INVS: variants seen among roughly 807,000 people sequenced by gnomAD.
The protein encoded by INVS is inversion of embryo turning homolog.
INVS carries 86 observed loss-of-function variants against 108.8 expected under a neutral mutation model. That is an observed-to-expected ratio of 0.79 (90% confidence interval 0.66 to 0.95). The LOEUF (loss-of-function observed/expected upper bound fraction) is 0.95, where lower values mean the gene tolerates loss of function less well. Ranked by LOEUF, INVS falls within the 40% of genes least tolerant of loss-of-function variation. The pLI, the probability that INVS is intolerant of heterozygous loss-of-function variation, is 0.00. For missense variants in INVS, 1,169 were observed against 1,297.4 expected (o/e 0.90, Z 1.52); for synonymous variants, 455 against 473.5 (o/e 0.96, Z 0.51).
intron 5 of INVS, among the ~76,000 whole-genome samples, chr9:100,233,786 G>A (rs1180907933): frequency 6.6e-6 from 1 of 152,106 alleles, no homozygotes; most frequent in Non-Finnish European, 1.5e-5. Flanking sequence ...ATTTTATTGA[G>A]GATTTTCGCA....
intron 10 of INVS, among the ~76,000 whole-genome samples, chr9:100,259,765 G>T (rs951951379): frequency 6.6e-6 from 1 of 151,976 alleles, no homozygotes; most frequent in African/African-American, 2.4e-5. Flanking sequence ...GGCCAGGCTG[G>T]TCTCGAACTC....
At chr9:100,167,975 C>A (rs12377835) in intron 3 of INVS, among the ~76,000 whole-genome samples, 28,939 of 151,950 alleles carry the variant, frequency 0.19, 4,474 homozygotes, top group African/African-American at 0.43. Flanking sequence ...CCTCCCCACC[C>A]CAGCGACTCC....
rs375774619 is a variant in INVS, at chr9:100,297,947, G to C, written c.3028G>C (p.Glu1010Gln). Residue 1010 changes from glutamate to glutamine, a missense_variant, in exon 16 of 17, where the codon GAA (glutamate) becomes CAA (glutamine). Physicochemically the swap from Glu to Gln is conservative, Grantham distance 29. Transcript: ENST00000262457. ...TTGGTTCATTTCAGGTTGTTCTCAC[G>C]AAGGGAAAATACATCATCCTACAAG... ...VLKQIYGCSH[E>Q]GKIHHPTRSV... 5 of 1,614,142 alleles carry C rather than the reference G, an allele frequency of 3.1e-6. No homozygotes were observed. Among genetic ancestry groups the C allele is most frequent in the Non-Finnish European group, 8.5e-7 (1 of 1,180,004 alleles).
chr9:100,109,722 A>G (rs1166942388), intron 2 of INVS, among the ~76,000 whole-genome samples: 1 of 152,108 alleles, frequency 6.6e-6, no homozygotes, highest in Non-Finnish European at 1.5e-5. Context: ...CTGGAGTGCA[A>G]TGGCGTGATC....
intron 3 of INVS, among the ~76,000 whole-genome samples, chr9:100,134,114 C>T (rs778523008): frequency 6.6e-6 from 1 of 152,008 alleles, no homozygotes; most frequent in Non-Finnish European, 1.5e-5. Flanking sequence ...CCCCAAGTCC[C>T]CAAAGTCCAC....
At chr9:100,243,628 A>G (rs1271810282) in intron 7 of INVS, among the ~76,000 whole-genome samples, 1 of 152,178 alleles carries the variant, frequency 6.6e-6, no homozygotes, top group East Asian at 1.9e-4. Context: ...CAAGAACCAG[A>G]TTCATCCAAG....
At chr9:100,222,718 C>T (rs1292405469) in intron 3 of INVS, among the ~76,000 whole-genome samples, 1 of 151,860 alleles carries the variant, frequency 6.6e-6, no homozygotes, top group Non-Finnish European at 1.5e-5. Context: ...CTTTAAAGGT[C>T]ATGATGAATT....
intron 3 of INVS, among the ~76,000 whole-genome samples, chr9:100,167,613 TA>T (rs1309471953): frequency 6.6e-6 from 1 of 152,228 alleles, no homozygotes; most frequent in African/African-American, 2.4e-5. Flanking sequence ...TCTTAGCACT[TA>T]ACACTATCTA....
chr9:100,100,761 A>AT (rs1826859959), intron 1 of INVS, among the ~76,000 whole-genome samples: 1 of 39,796 alleles, frequency 2.5e-5, no homozygotes, highest in African/African-American at 9.5e-5. Flanking sequence ...TATAATATAT[A>AT]TAATATATGT....
intron 5 of INVS, among the ~76,000 whole-genome samples, 197 bp downstream of exon 5, chr9:100,230,024 C>T (rs1277019239): frequency 6.6e-6 from 1 of 152,118 alleles, no homozygotes; most frequent in Non-Finnish European, 1.5e-5. Context: ...TTTCCTATGT[C>T]CCAGTTTTTA....
At chr9:100,175,667 C>T (rs1829688786) in intron 3 of INVS, 1 of 644,220 alleles carries the variant, frequency 1.6e-6, no homozygotes, top group African/African-American at 1.8e-5. Context: ...CCTACCCCAG[C>T]CTCTATTCTT....
chr9:100,255,892 C>G (rs968274949), intron 10 of INVS, among the ~76,000 whole-genome samples: 4 of 152,198 alleles, frequency 2.6e-5, no homozygotes, highest in South Asian at 2.1e-4. Context: ...TGTTGTGTCT[C>G]TGCCAGGCTT....
Position 100,165,086 on chromosome 9 carries a change from AT to A in INVS, c.273+38547del, listed in dbSNP as rs541110961. Reference sequence around the variant, plus strand: ...AAAGACTTGATCTGATTATTGTTCAATTTTTTTTTTCTTTTTTAAATTTCTC... The same window carrying A: ...AAAGACTTGATCTGATTATTGTTCAATTTTTTTTTCTTTTTTAAATTTCTC... On this transcript the variant is annotated intron_variant, in intron 3 of 16. Coordinates refer to ENST00000262457, the MANE Select transcript of INVS (RefSeq NM_014425.5). 3.8e-3 allele frequency among the ~76,000 whole-genome samples: 558 copies of A among 145,248 alleles called. 2 individuals carry two copies. Among genetic ancestry groups the A allele is most frequent in the African/African-American group, 0.012 (478 of 39,514 alleles).
intron 3 of INVS, among the ~76,000 whole-genome samples, chr9:100,181,776 G>A (rs10989000): frequency 0.19 from 29,402 of 151,792 alleles, 4,535 homozygotes; most frequent in African/African-American, 0.43. Context: ...TTTAAATTTC[G>A]TATGGAACCA....
intron 2 of INVS, among the ~76,000 whole-genome samples, chr9:100,118,676 A>G (rs1827628894): frequency 6.6e-6 from 1 of 151,100 alleles, no homozygotes; most frequent in Admixed American, 6.6e-5. Flanking sequence ...ATTTATTATT[A>G]TTATTATATT....
chr9:100,288,609 G>C (rs1833517867), intron 13 of INVS, among the ~76,000 whole-genome samples: 1 of 151,690 alleles, frequency 6.6e-6, no homozygotes, highest in Admixed American at 6.6e-5. Context: ...CTTAATAAAG[G>C]GTTGTACAAC....
chr9:100,160,384 A>G (rs1255125078), intron 3 of INVS, among the ~76,000 whole-genome samples: 2 of 152,220 alleles, frequency 1.3e-5, no homozygotes, highest in Non-Finnish European at 2.9e-5. Context: ...ATACAGAGTG[A>G]TATATAATAA....
At chr9:100,181,989 A>C (rs546388709) in intron 3 of INVS, among the ~76,000 whole-genome samples, 2 of 152,314 alleles carry the variant, frequency 1.3e-5, no homozygotes, top group African/African-American at 2.4e-5. Flanking sequence ...AATCTTTGAC[A>C]AACCTGACAA....
chr9:100,295,372 C>T (rs1487058873), intron 14 of INVS, among the ~76,000 whole-genome samples: 1 of 152,322 alleles, frequency 6.6e-6, no homozygotes, highest in Admixed American at 6.5e-5. Context: ...GCCCAAAGGA[C>T]TTCTGGGATT....
Sources: gnomAD v4.1 joint callset for allele counts (sites outside exome capture counted in the v4.1 genomes callset) on GRCh38, gnomAD v4.1.1 for gene constraint, MANE v1.5 for transcripts, NCBI Gene and HGNC (gene_info 2026-07-23, HGNC 2026-07-21) for gene names.